The following LINGO2 variants were observed in gnomAD, a reference collection of about 807,000 sequenced individuals.
The protein encoded by LINGO2 is leucine rich repeat and Ig domain containing 2.
Under a neutral mutation model 30.6 loss-of-function variants are expected in LINGO2, and 14 were observed. That is an observed-to-expected ratio of 0.46 (90% CI 0.30 to 0.72). The LOEUF (loss-of-function observed/expected upper bound fraction) is 0.72, where lower values mean the gene tolerates loss of function less well. Among genes scored for constraint, LINGO2 ranks in the 30% least tolerant of loss-of-function variants. The probability of loss-of-function intolerance (pLI) is 0.07; values close to 1 mark genes in which losing one functional copy is unlikely to be tolerated. For synonymous variants in LINGO2, 317 were observed against 288.5 expected (o/e 1.10, Z -1.00); for missense variants, 729 against 751.7 (o/e 0.97, Z 0.35).
chr9:28,298,004 T>C (rs946602871), intron 3 of LINGO2, among the ~76,000 whole-genome samples: 4 of 152,194 alleles, frequency 2.6e-5, no homozygotes. Flanking sequence ...AGATACAAAA[T>C]TAAATGCATG....
intron 2 of LINGO2, among the ~76,000 whole-genome samples, chr9:28,430,199 G>A (rs764587525): frequency 4.0e-4 from 61 of 152,118 alleles, no homozygotes; most frequent in Admixed American, 2.0e-4. Flanking sequence ...GCTGACTGGA[G>A]CATAGTGTAG....
intron 4 of LINGO2, among the ~76,000 whole-genome samples, chr9:28,095,853 A>C (rs1217087335): frequency 6.6e-6 from 1 of 152,218 alleles, no homozygotes; most frequent in Non-Finnish European, 1.5e-5. Context: ...GAACTCAAAC[A>C]AATTTACAAG....
the LINGO2 span, among the ~76,000 whole-genome samples, chr9:29,039,072 G>A: frequency 6.6e-6 from 1 of 152,052 alleles, no homozygotes; most frequent in African/African-American, 2.4e-5. Context: ...TAAATAAGCA[G>A]GCCAACAGCT....
chr9:28,845,270 G>C, the LINGO2 span, among the ~76,000 whole-genome samples: 1 of 151,780 alleles, frequency 6.6e-6, no homozygotes, highest in Non-Finnish European at 1.5e-5. Context: ...ATAGAATATG[G>C]AATATTTTTG....
chr9:29,131,160 C>T, the LINGO2 span, among the ~76,000 whole-genome samples: 2 of 152,076 alleles, frequency 1.3e-5, no homozygotes, highest in African/African-American at 2.4e-5. Flanking sequence ...TGTTTTATTT[C>T]GTTTTTATAG....
In LINGO2 at chr9:28,419,472, G is replaced by C. The variant is rs541810984; in HGVS notation, c.-278-46604C>G. On this transcript the variant is annotated intron_variant, in intron 2 of 5. Coordinates refer to ENST00000379992, the Ensembl canonical transcript of LINGO2. Reference sequence around the variant, plus strand: ...TGCTTAATGTAAGCTGTTGTATAAAGGTAAGACTGTTCATAAGCAAGTCTG... The same window carrying C: ...TGCTTAATGTAAGCTGTTGTATAAACGTAAGACTGTTCATAAGCAAGTCTG... 3.2e-4 allele frequency among the ~76,000 whole-genome samples: 49 copies of C among 151,940 alleles called. 1 individual carries two copies. In the South Asian group the frequency reaches 9.4e-3, roughly 29 times the overall value.
the LINGO2 span, among the ~76,000 whole-genome samples, chr9:28,712,289 A>G: frequency 6.6e-6 from 1 of 152,070 alleles, no homozygotes; most frequent in Non-Finnish European, 1.5e-5. Context: ...CATTGCACCC[A>G]CTTGAATGAT....
chr9:28,337,016 C>A (rs1587488480), intron 3 of LINGO2, among the ~76,000 whole-genome samples: 1 of 150,392 alleles, frequency 6.6e-6, no homozygotes, highest in Middle Eastern at 3.5e-3. Flanking sequence ...TTACACATAG[C>A]TTTTCAATAT....
At chr9:28,354,134 C>T (rs1351504840) in intron 3 of LINGO2, among the ~76,000 whole-genome samples, 1 of 151,500 alleles carries the variant, frequency 6.6e-6, no homozygotes, top group Non-Finnish European at 1.5e-5. Context: ...CACATGTACC[C>T]TAAAACTTAA....
chr9:28,979,791 A>T, the LINGO2 span, among the ~76,000 whole-genome samples: 103 of 152,300 alleles, frequency 6.8e-4, no homozygotes, highest in African/African-American at 2.3e-3. Flanking sequence ...GGACAAAATA[A>T]ATGTAATAGT....
the LINGO2 span, among the ~76,000 whole-genome samples, chr9:28,807,847 T>C: frequency 1.5e-4 from 23 of 152,234 alleles, no homozygotes; most frequent in South Asian, 4.8e-3. Flanking sequence ...CTTTTGTGGG[T>C]CAGAATAGTA....
chr9:28,171,413 G>A (rs1411844969), intron 4 of LINGO2, among the ~76,000 whole-genome samples: 1 of 152,094 alleles, frequency 6.6e-6, no homozygotes, highest in Non-Finnish European at 1.5e-5. Flanking sequence ...TCAGGGTAGG[G>A]CTGTACCTGA....
intron 2 of LINGO2, among the ~76,000 whole-genome samples, chr9:28,475,691 G>A (rs1825704408): frequency 6.6e-6 from 1 of 152,060 alleles, no homozygotes; most frequent in African/African-American, 2.4e-5. Flanking sequence ...ATAGGGAAAC[G>A]AAGATTCAAA....
intron 5 of LINGO2, among the ~76,000 whole-genome samples, chr9:28,003,848 T>C (rs900887712): frequency 6.6e-6 from 1 of 152,190 alleles, no homozygotes. Flanking sequence ...CTAACAACAT[T>C]AAGTGAGGAT....
chr9:28,083,354 G>C (rs1260907276), intron 4 of LINGO2, among the ~76,000 whole-genome samples: 1 of 152,116 alleles, frequency 6.6e-6, no homozygotes, highest in African/African-American at 2.4e-5. Flanking sequence ...TCTGCCTCTG[G>C]GTGATGGTGA....
chr9:28,599,407 A>T (rs1371073205), intron 1 of LINGO2: 3 of 152,202 alleles, frequency 2.0e-5, no homozygotes, highest in African/African-American at 4.8e-5. Context: ...TAAGTATTAG[A>T]TATTTAAGTA....
the LINGO2 span, among the ~76,000 whole-genome samples, chr9:28,697,012 C>G: frequency 6.6e-6 from 1 of 151,710 alleles, no homozygotes; most frequent in Non-Finnish European, 1.5e-5. Flanking sequence ...CAAGGGAATC[C>G]AAAAACTAAT....
the LINGO2 span, among the ~76,000 whole-genome samples, chr9:28,992,496 G>C: frequency 6.6e-6 from 1 of 151,666 alleles, no homozygotes; most frequent in African/African-American, 2.4e-5. Context: ...ATTGAACTCA[G>C]CTCTGCACCA....
chr9:28,056,381 C>A (rs71512420), intron 4 of LINGO2, among the ~76,000 whole-genome samples: 3,519 of 152,228 alleles, frequency 0.023, 63 homozygotes, highest in Middle Eastern at 0.037. Context: ...TTCAGTAGAT[C>A]ACGACCCTCA....
Sources: allele counts gnomAD v4.1 joint callset (sites outside exome capture counted in the v4.1 genomes callset), GRCh38; gene constraint gnomAD v4.1.1; transcripts MANE v1.5; gene names NCBI Gene and HGNC (gene_info 2026-07-23, HGNC 2026-07-21).